The following TRPM3 variants were observed in gnomAD, a reference collection of about 807,000 sequenced individuals.
TRPM3 encodes long transient receptor potential channel 3.
Under a neutral mutation model 181.2 loss-of-function variants are expected in TRPM3, and 77 were observed. The ratio of observed to expected loss-of-function variants is 0.42; its 90% CI spans 0.35 to 0.51. TRPM3 has a LOEUF of 0.51. Among genes scored for constraint, TRPM3 ranks in the 20% least tolerant of loss-of-function variants. TRPM3 has a pLI of 0.01. For synonymous variants in TRPM3, 745 were observed against 796.4 expected (o/e 0.94, Z 1.09); for missense variants, 1,759 against 2,196.7 (o/e 0.80, Z 3.98).
chr9:71,110,842 A>C (rs1414111875), intron 1 of TRPM3, among the ~76,000 whole-genome samples: 2 of 152,178 alleles, frequency 1.3e-5, no homozygotes, highest in African/African-American at 2.4e-5. Flanking sequence ...TGCTTGTATA[A>C]ATGACTAGAT....
chr9:71,266,385 G>A (rs978248416), intron 1 of TRPM3, among the ~76,000 whole-genome samples: 23 of 152,030 alleles, frequency 1.5e-4, no homozygotes, highest in African/African-American at 5.3e-4. Flanking sequence ...AAAGGAAACC[G>A]GTTTTTAAAA....
intron 1 of TRPM3, among the ~76,000 whole-genome samples, chr9:70,947,482 T>C (rs1423968839): frequency 1.3e-5 from 2 of 152,228 alleles, no homozygotes; most frequent in Non-Finnish European, 2.9e-5. Flanking sequence ...GTATTCACTT[T>C]TTTTTCCTTT....
chr9:71,085,442 C>A (rs1359068325), intron 1 of TRPM3, among the ~76,000 whole-genome samples: 3 of 151,542 alleles, frequency 2.0e-5, no homozygotes, highest in African/African-American at 7.3e-5. Context: ...AAGCAAAAAA[C>A]AAATAACCCC....
intron 1 of TRPM3, among the ~76,000 whole-genome samples, chr9:71,257,255 T>C (rs2082729324): frequency 6.6e-6 from 1 of 152,134 alleles, no homozygotes; most frequent in South Asian, 2.1e-4. Context: ...AGGGATGGGC[T>C]CTTAGATAAA....
At chr9:71,311,958 G>A (rs1252063144) in intron 1 of TRPM3, among the ~76,000 whole-genome samples, 1 of 152,140 alleles carries the variant, frequency 6.6e-6, no homozygotes, top group African/African-American at 2.4e-5. Context: ...GGCCACATGA[G>A]GCCTGTGGGC....
chr9:70,827,757 T>C (rs2093641212), intron 6 of TRPM3, 90 bp downstream of exon 6: 1 of 1,466,900 alleles, frequency 6.8e-7, no homozygotes, highest in East Asian at 2.3e-5. Context: ...TTGCTCAAGT[T>C]TTTATTACAT....
intron 1 of TRPM3, among the ~76,000 whole-genome samples, chr9:71,181,737 C>T (rs565585618): frequency 1.8e-4 from 27 of 152,186 alleles, no homozygotes; most frequent in East Asian, 1.2e-3. Flanking sequence ...TTTCTTTTCT[C>T]GTTATCTGCC....
chr9:71,041,404 T>C (rs2058803672), intron 1 of TRPM3, among the ~76,000 whole-genome samples: 1 of 152,156 alleles, frequency 6.6e-6, no homozygotes, highest in African/African-American at 2.4e-5. Flanking sequence ...AATAACCCTC[T>C]CTGTCATGAC....
intron 1 of TRPM3, among the ~76,000 whole-genome samples, chr9:70,939,463 C>T (rs1268150381): frequency 6.6e-6 from 1 of 152,184 alleles, no homozygotes; most frequent in Non-Finnish European, 1.5e-5. Context: ...AGCCTAACTG[C>T]TTAGAGCAAC....
intron 14 of TRPM3, among the ~76,000 whole-genome samples, 195 bp from the exon 15 acceptor site, chr9:70,621,468 G>T (rs1202990793): frequency 6.6e-6 from 1 of 152,110 alleles, no homozygotes; most frequent in Non-Finnish European, 1.5e-5. Context: ...GGGCTCAAGT[G>T]ATTCTCCTAC....
At chr9:70,992,544 A>T (rs917492749) in intron 1 of TRPM3, among the ~76,000 whole-genome samples, 1 of 152,196 alleles carries the variant, frequency 6.6e-6, no homozygotes, top group African/African-American at 2.4e-5. Context: ...TGTCTAACAA[A>T]ACTTTCTGTG....
intron 18 of TRPM3, among the ~76,000 whole-genome samples, chr9:70,614,032 G>A (rs1203357151): frequency 6.6e-6 from 1 of 152,146 alleles, no homozygotes. Context: ...AATCGGCTGA[G>A]TGGCCACACT....
chr9:71,399,526 GTTTTTT>G (rs1166936123), intron 1 of TRPM3, among the ~76,000 whole-genome samples: 12 of 62,684 alleles, frequency 1.9e-4, no homozygotes, highest in African/African-American at 4.9e-4. Flanking sequence ...ATTTTCTTTT[GTTTTTT>G]TTTTTTTTTT....
intron 9 of TRPM3, among the ~76,000 whole-genome samples, chr9:70,648,257 T>A (rs891634118): frequency 2.0e-5 from 3 of 152,272 alleles, no homozygotes; most frequent in Admixed American, 2.0e-4. Context: ...GGAAGATCAC[T>A]TGAGCCCAGG....
At chr9:70,651,494 G>T (rs1349381312) in intron 9 of TRPM3, among the ~76,000 whole-genome samples, 2 of 152,154 alleles carry the variant, frequency 1.3e-5, no homozygotes, top group Non-Finnish European at 2.9e-5. Context: ...TGTGTAATAA[G>T]TCAGGGACAG....
chr9:71,071,640 C>T (rs1248067438), intron 1 of TRPM3, among the ~76,000 whole-genome samples: 1 of 152,162 alleles, frequency 6.6e-6, no homozygotes, highest in Non-Finnish European at 1.5e-5. Context: ...TTCTAGCAAT[C>T]TTTGTCCACT....
intron 22 of TRPM3, among the ~76,000 whole-genome samples, chr9:70,581,951 TCTCCTTC>T (rs917386748): frequency 2.8e-5 from 2 of 71,648 alleles, no homozygotes; most frequent in Non-Finnish European, 3.6e-5. Flanking sequence ...TTCCTTGTCT[TCTCCTTC>T]CTTTCTTCCT....
intron 1 of TRPM3, among the ~76,000 whole-genome samples, chr9:71,423,639 T>C (rs1452190118): frequency 2.0e-5 from 3 of 152,122 alleles, no homozygotes; most frequent in African/African-American, 7.2e-5. Context: ...CAAAGTGCAT[T>C]ATGCCTTTTT....
intron 1 of TRPM3, among the ~76,000 whole-genome samples, chr9:71,236,799 C>G (rs2081374560): frequency 6.6e-6 from 1 of 152,106 alleles, no homozygotes; most frequent in African/African-American, 2.4e-5. Flanking sequence ...GTAATCCCAG[C>G]ACTTTGGGAG....
Sources: gnomAD v4.1 joint callset for allele counts (sites outside exome capture counted in the v4.1 genomes callset) on GRCh38, gnomAD v4.1.1 for gene constraint, MANE v1.5 for transcripts, NCBI Gene and HGNC (gene_info 2026-07-23, HGNC 2026-07-21) for gene names.